Variants in SLC36A1 observed in about 807,000 individuals in gnomAD.
SLC36A1 encodes solute carrier family 36 member 1, also known as proton-coupled amino acid transporter 1.
Under a neutral mutation model 47.5 loss-of-function variants are expected in SLC36A1, and 30 were observed. The observed-to-expected ratio is 0.63, with a 90% CI of 0.47 to 0.86. SLC36A1 has a LOEUF of 0.86. Among genes scored for constraint, SLC36A1 ranks in the 40% least tolerant of loss-of-function variants. The pLI, the probability that SLC36A1 is intolerant of heterozygous loss-of-function variation, is 0.00. For missense variants in SLC36A1, 517 were observed against 606.0 expected, an observed-to-expected ratio of 0.85 and a Z score of 1.54; for synonymous variants, 255 against 249.7, an observed-to-expected ratio of 1.02 and a Z score of -0.20.
At chr5:151,544,865 C>T in the SLC36A1 span, 1 of 1,614,070 alleles carries the variant, frequency 6.2e-7, no homozygotes. Context: ...TGAAAGAGGA[C>T]ATCCCCTGGC....
At chr5:151,349,017 G>T in the SLC36A1 span, among the ~76,000 whole-genome samples, 2 of 152,296 alleles carry the variant, frequency 1.3e-5, no homozygotes, top group Admixed American at 1.3e-4. Context: ...CCATTACATG[G>T]CAGTATTACT....
intron 1 of SLC36A1, 65 bp from the exon 2 acceptor site, chr5:151,458,723 C>A (rs35256722): frequency 2.6e-5 from 41 of 1,553,806 alleles, no homozygotes; most frequent in Non-Finnish European, 3.3e-5. Context: ...CCCCAGAGGC[C>A]ACCCCAAATA....
chr5:151,499,491 T>C, the SLC36A1 span, among the ~76,000 whole-genome samples: 1 of 152,222 alleles, frequency 6.6e-6, no homozygotes, highest in African/African-American at 2.4e-5. Context: ...TGCTGGGTCT[T>C]TTTTGCCCTC....
At chr5:151,432,991 C>T (rs928368909), upstream of SLC36A1, among the ~76,000 whole-genome samples, 1 of 151,190 alleles carries the variant, frequency 6.6e-6, no homozygotes, top group Non-Finnish European at 1.5e-5. Flanking sequence ...GGACTTCTGA[C>T]CTAAAGAAAT....
chr5:151,444,499 A>AT (rs922298503), upstream of SLC36A1, among the ~76,000 whole-genome samples: 42 of 151,462 alleles, frequency 2.8e-4, no homozygotes, highest in Middle Eastern at 6.8e-3. Context: ...TGATTTTTTA[A>AT]TTTTTTTTTG....
chr5:151,455,761 T>G (rs1046249987), intron 1 of SLC36A1, among the ~76,000 whole-genome samples: 1 of 151,984 alleles, frequency 6.6e-6, no homozygotes, highest in East Asian at 1.9e-4. Flanking sequence ...CCTGGGGGAG[T>G]GCGTCCTTCG....
upstream of SLC36A1, among the ~76,000 whole-genome samples, chr5:151,444,267 T>G (rs1256210490): frequency 6.6e-6 from 1 of 152,218 alleles, no homozygotes; most frequent in Non-Finnish European, 1.5e-5. Context: ...AGTATGGACA[T>G]TTCCACAATG....
the SLC36A1 span, among the ~76,000 whole-genome samples, chr5:151,417,528 A>C: frequency 0.2 from 30,470 of 151,988 alleles, 3,299 homozygotes; most frequent in East Asian, 0.38. Context: ...TTTGCCCCCA[A>C]CCTAGAGATC....
the SLC36A1 span, among the ~76,000 whole-genome samples, chr5:151,549,825 GA>G: frequency 1.9e-4 from 29 of 151,222 alleles, no homozygotes; most frequent in East Asian, 2.1e-3. Context: ...TGTCATGCAG[GA>G]AAAAAAAATT....
chr5:151,349,340 C>G, the SLC36A1 span, among the ~76,000 whole-genome samples: 1 of 152,024 alleles, frequency 6.6e-6, no homozygotes, highest in Admixed American at 6.6e-5. Flanking sequence ...GGGTGGGGCT[C>G]CACACCCCAA....
At chr5:151,393,680 A>G in the SLC36A1 span, among the ~76,000 whole-genome samples, 1 of 152,156 alleles carries the variant, frequency 6.6e-6, no homozygotes, top group Non-Finnish European at 1.5e-5. Flanking sequence ...TTGGCTGGAT[A>G]TGAAATTCTG....
At chr5:151,357,422 G>A in the SLC36A1 span, among the ~76,000 whole-genome samples, 1 of 152,246 alleles carries the variant, frequency 6.6e-6, no homozygotes, top group Non-Finnish European at 1.5e-5. Flanking sequence ...TTTTTGGAGA[G>A]TAGGAGATTT....
the SLC36A1 span, among the ~76,000 whole-genome samples, chr5:151,405,549 T>C: frequency 6.6e-6 from 1 of 152,128 alleles, no homozygotes; most frequent in Non-Finnish European, 1.5e-5. Context: ...TGCCGTTCTA[T>C]ATCCGTCATC....
the SLC36A1 span, among the ~76,000 whole-genome samples, chr5:151,506,382 C>T: frequency 6.6e-6 from 1 of 152,208 alleles, no homozygotes; most frequent in Non-Finnish European, 1.5e-5. Flanking sequence ...ATGCAACCCA[C>T]CCCCACAGCT....
At chr5:151,441,524 T>A (rs1171460853) in intron 1 of SLC36A1, among the ~76,000 whole-genome samples, 2 of 152,188 alleles carry the variant, frequency 1.3e-5, no homozygotes, top group Non-Finnish European at 2.9e-5. Flanking sequence ...AAACAATAAG[T>A]ACTGGTATTT....
At chr5:151,530,882 A>G in the SLC36A1 span, among the ~76,000 whole-genome samples, 1 of 152,084 alleles carries the variant, frequency 6.6e-6, no homozygotes, top group African/African-American at 2.4e-5. Flanking sequence ...GTACTATTCT[A>G]TTTTTTAATA....
rs1173126338 is a variant in SLC36A1 at position 151,490,550 on chromosome 5, C to G, written c.*2296C>G. ...GACTGGATGGTAGAATACTGGGGTC[C>G]CCCAGCTCTTAGCAGGATGCAGGCT... is the stretch of plus-strand genomic sequence containing the variant. On this transcript the variant is annotated 3_prime_UTR_variant, in exon 11 of 11. Transcript: ENST00000243389. 1 of 152,314 alleles carries G rather than the reference C, an allele frequency of 6.6e-6. No homozygotes were observed. The highest frequency in any genetic ancestry group is 1.9e-4 in the East Asian group (1 of 5,204). 9.4% of individuals were successfully genotyped at this position (152,314 alleles called of 1,614,324 possible).
the SLC36A1 span, among the ~76,000 whole-genome samples, chr5:151,390,845 C>T: frequency 6.6e-6 from 1 of 152,328 alleles, no homozygotes; most frequent in South Asian, 2.1e-4. Flanking sequence ...TAGCATGATG[C>T]CTCCAGCTTT....
the SLC36A1 span, chr5:151,525,648 G>T: frequency 1.8e-6 from 2 of 1,082,412 alleles, no homozygotes; most frequent in Non-Finnish European, 1.4e-6. Flanking sequence ...CTAGCCCAGT[G>T]CCTGATGCAT....
Sources: allele counts gnomAD v4.1 joint callset (sites outside exome capture counted in the v4.1 genomes callset), GRCh38; gene constraint gnomAD v4.1.1; transcripts MANE v1.5; gene names NCBI Gene and HGNC (gene_info 2026-07-23, HGNC 2026-07-21).